Variants in MACF1 observed in about 807,000 individuals in gnomAD.
MACF1 encodes microtubule-actin cross-linking factor 1.
Under a neutral mutation model 854.8 loss-of-function variants are expected in MACF1, and 193 were observed. That is an observed-to-expected ratio of 0.23 (90% CI 0.20 to 0.25). The LOEUF (loss-of-function observed/expected upper bound fraction) is 0.25, where lower values mean the gene tolerates loss of function less well. MACF1 is among the 10% of genes least tolerant of loss of function. The pLI, the probability that MACF1 is intolerant of heterozygous loss-of-function variation, is 1.00. For synonymous variants in MACF1, 3,185 were observed against 3,226.7 expected (o/e 0.99, Z 0.44); for missense variants, 7,722 against 8,929.1 (o/e 0.86, Z 5.45).
intron 2 of MACF1, among the ~76,000 whole-genome samples, chr1:39,118,935 A>T (rs895970473): frequency 2.0e-5 from 3 of 152,174 alleles, no homozygotes; most frequent in Admixed American, 2.0e-4. Flanking sequence ...TATATCTTCA[A>T]TAAATAAGCT....
intron 58 of MACF1, among the ~76,000 whole-genome samples, chr1:39,390,801 G>A (rs1371259470): frequency 6.6e-6 from 1 of 152,070 alleles, no homozygotes; most frequent in Non-Finnish European, 1.5e-5. Flanking sequence ...TATCCCTTTA[G>A]GCTCCAAAAT....
At chr1:39,212,396 C>G (rs1644527065) in intron 1 of MACF1, among the ~76,000 whole-genome samples, 1 of 152,054 alleles carries the variant, frequency 6.6e-6, no homozygotes, top group Non-Finnish European at 1.5e-5. Context: ...CTGACCTTGT[C>G]CCCAAGACTC....
chr1:39,269,468 C>T (rs1043101287), intron 6 of MACF1: 22 of 1,289,716 alleles, frequency 1.7e-5, no homozygotes, highest in Middle Eastern at 4.2e-4. Context: ...GCCAAAGACG[C>T]ACGGAGCCTT....
At chr1:39,130,217 A>G (rs973918371) in intron 2 of MACF1, among the ~76,000 whole-genome samples, 4 of 152,242 alleles carry the variant, frequency 2.6e-5, no homozygotes, top group African/African-American at 9.6e-5. Context: ...GGTCCTTTGA[A>G]CAGAGTATAA....
chr1:39,190,401 GTTTTTTTT>G (rs71057198), intron 2 of MACF1, among the ~76,000 whole-genome samples: 1 of 105,970 alleles, frequency 9.4e-6, no homozygotes, highest in African/African-American at 3.8e-5. Flanking sequence ...GTTTGTTTTT[GTTTTTTTT>G]TTTTTTTTTT....
chr1:39,085,334 G>A (rs1035180686), intron 2 of MACF1, among the ~76,000 whole-genome samples: 1 of 152,222 alleles, frequency 6.6e-6, no homozygotes, highest in Non-Finnish European at 1.5e-5. Flanking sequence ...TCCCTGAAGT[G>A]TGCTCAGCAT....
intron 2 of MACF1, among the ~76,000 whole-genome samples, chr1:39,087,701 A>G (rs935856832): frequency 5.9e-5 from 9 of 152,238 alleles, no homozygotes; most frequent in African/African-American, 1.9e-4. Flanking sequence ...TCCGAGGCTC[A>G]GAGGGTTTAG....
chr1:39,333,245 G>C lies in MACF1; in HGVS notation c.6657G>C (p.Gly2219=). The change falls in exon 37 of 101, where the codon GGG becomes GGC. Residue 2219 remains glycine (G), a synonymous_variant. Coordinates refer to ENST00000564288, the MANE Select transcript of MACF1 (RefSeq NM_001394062.1). ...TAGAACTAAAGTCTGAAACTGATGG[G>C]AATGTTCATCCTCTGGACAAAAAGG... ...IKLELKSETD[G]NVHPLDKKEM... is the part of the protein sequence containing the mutation. 6.2e-7 allele frequency: 1 copy of C among 1,613,582 alleles called. No homozygotes were observed. The highest frequency in any genetic ancestry group is 8.5e-7 in the Non-Finnish European group (1 of 1,179,916).
intron 2 of MACF1, among the ~76,000 whole-genome samples, chr1:39,135,482 C>G (rs932699382): frequency 6.6e-6 from 1 of 152,088 alleles, no homozygotes; most frequent in African/African-American, 2.4e-5. Flanking sequence ...CTCTTGATCA[C>G]CTGTTTCGGC....
intron 20 of MACF1, among the ~76,000 whole-genome samples, chr1:39,296,827 G>GAAAAGAAAGA (rs1557571591): frequency 2.1e-5 from 3 of 140,994 alleles, no homozygotes; most frequent in East Asian, 4.2e-4. Flanking sequence ...AGGAAGGAAG[G>GAAAAGAAAGA]AAGGAAGGAA....
At chr1:39,451,299 C>T in intron 85 of MACF1, 88 bp downstream of exon 85, 1 of 1,316,558 alleles carries the variant, frequency 7.6e-7, no homozygotes, top group East Asian at 2.7e-5. Context: ...TGCCTCTGCC[C>T]TTCTTTCTAG....
At position 39,315,739 on chromosome 1, in the gene MACF1, A is replaced by T. The variant is rs200178649; in HGVS notation, c.3449+48A>T. On this transcript the variant is annotated intron_variant, in intron 27 of 100. Transcript: ENST00000564288. ...TCCAAGAGCAATATTTTCCATTGGG[A>T]TAAGAAAGAGAAAGGCTTAAAGTAT... 9.4e-5 allele frequency: 148 copies of T among 1,576,506 alleles called. 1 individual carries two copies. In the African/African-American group the frequency reaches 1.6e-3, roughly 17 times the overall value.
chr1:39,360,958 C>T lies in MACF1; in HGVS notation c.12410C>T (p.Ser4137Leu). The change falls in exon 48 of 101, where the codon TCA becomes TTA. Residue 4137 changes from serine (S) to leucine (L), a missense_variant. By Grantham distance (145) the Ser-to-Leu change is moderately radical. Coordinates refer to ENST00000564288, the MANE Select transcript of MACF1 (RefSeq NM_001394062.1). ...AACCTGGAAGGGAAGCAGGTGTCAT[C>T]ACTCTCATCAGGAGTCATCCAGGAA... Reference protein sequence around the residue: ...EQNLEGKQVSSLSSGVIQEAL... With the variant: ...EQNLEGKQVSLLSSGVIQEAL... 1.2e-6 allele frequency: 2 copies of T among 1,614,114 alleles called. No individual in the cohort carries two copies. The highest frequency in any genetic ancestry group is 4.5e-5 in the East Asian group (2 of 44,876).
intron 23 of MACF1, among the ~76,000 whole-genome samples, chr1:39,306,463 C>A (rs1164762153): frequency 6.6e-6 from 1 of 152,002 alleles, no homozygotes; most frequent in East Asian, 1.9e-4. Context: ...ATTTTTGTTT[C>A]CTTGGAGTGG....
At chr1:39,485,138 C>T (rs1003107843) in intron 100 of MACF1, 6 of 312,066 alleles carry the variant, frequency 1.9e-5, no homozygotes. Flanking sequence ...TCTCCTGCTA[C>T]TGTTCCTCAT....
chr1:39,266,594 C>CTTTTTTTTTTTTTTTTT (rs11406070), intron 6 of MACF1, among the ~76,000 whole-genome samples: 2 of 58,124 alleles, frequency 3.4e-5, no homozygotes, highest in Non-Finnish European at 6.0e-5. Flanking sequence ...TGGTCTTTTC[C>CTTTTTTTTTTTTTTTTT]TTTTTTTTTT....
intron 2 of MACF1, among the ~76,000 whole-genome samples, chr1:39,114,276 G>C (rs978598699): frequency 6.6e-6 from 1 of 151,248 alleles, no homozygotes; most frequent in African/African-American, 2.4e-5. Flanking sequence ...CTTCCCTGGT[G>C]GTCTAGTGGC....
intron 2 of MACF1, among the ~76,000 whole-genome samples, chr1:39,122,703 CT>C (rs1398700797): frequency 6.6e-6 from 1 of 152,120 alleles, no homozygotes; most frequent in Non-Finnish European, 1.5e-5. Flanking sequence ...GAGACCTAAG[CT>C]GAGAGTGGGG....
chr1:39,293,738 G>T (rs755565391), intron 18 of MACF1, 119 bp downstream of exon 18: 2 of 901,004 alleles, frequency 2.2e-6, no homozygotes, highest in Non-Finnish European at 3.3e-6. Context: ...AGAAATAGGG[G>T]CCCTACTCAA....
Sources: gnomAD v4.1 joint callset for allele counts (sites outside exome capture counted in the v4.1 genomes callset) on GRCh38, gnomAD v4.1.1 for gene constraint, MANE v1.5 for transcripts, NCBI Gene and HGNC (gene_info 2026-07-23, HGNC 2026-07-21) for gene names.